Variants in REDIC1 observed in about 807,000 individuals in gnomAD.
The protein encoded by REDIC1 is regulator of DNA class I crossover intermediates 1.
chr12:39,832,416 G>T, the REDIC1 span, among the ~76,000 whole-genome samples: 106,316 of 151,930 alleles, frequency 0.7, 37,917 homozygotes, highest in African/African-American at 0.83. Context: ...GTAGTCCCTA[G>T]AAAAGTTCAA....
the REDIC1 span, among the ~76,000 whole-genome samples, chr12:39,630,178 T>C: frequency 0.054 from 8,280 of 152,224 alleles, 351 homozygotes; most frequent in African/African-American, 0.12. Flanking sequence ...TATTAATGAC[T>C]AGTTTCACCA....
At chr12:39,699,342 C>T in the REDIC1 span, among the ~76,000 whole-genome samples, 44 of 152,280 alleles carry the variant, frequency 2.9e-4, no homozygotes, top group African/African-American at 9.4e-4. Context: ...GGGTGACAGA[C>T]GGCACCTGGA....
the REDIC1 span, among the ~76,000 whole-genome samples, chr12:39,669,782 T>A: frequency 6.6e-6 from 1 of 152,216 alleles, no homozygotes; most frequent in Non-Finnish European, 1.5e-5. Flanking sequence ...GGCTGCCGCC[T>A]TGCAGTTTGT....
chr12:39,902,066 A>G, the REDIC1 span, among the ~76,000 whole-genome samples: 1 of 152,004 alleles, frequency 6.6e-6, no homozygotes, highest in Non-Finnish European at 1.5e-5. Context: ...ATTGGAAACC[A>G]TCATTCTCAG....
chr12:39,846,542 T>A, the REDIC1 span, among the ~76,000 whole-genome samples: 5 of 152,132 alleles, frequency 3.3e-5, no homozygotes, highest in Admixed American at 3.3e-4. Flanking sequence ...ACTTCTGCCT[T>A]CCAGGCTCAA....
At chr12:39,820,695 T>A in the REDIC1 span, among the ~76,000 whole-genome samples, 1 of 147,396 alleles carries the variant, frequency 6.8e-6, no homozygotes, top group Non-Finnish European at 1.5e-5. Context: ...GCATGTATAA[T>A]CTTCGGCTTA....
At chr12:39,721,384 T>C in the REDIC1 span, 7 of 714,388 alleles carry the variant, frequency 9.8e-6, no homozygotes, top group Non-Finnish European at 1.4e-5. Context: ...GTTCAGGGTG[T>C]ATATTCACGG....
At chr12:39,704,205 A>G in the REDIC1 span, among the ~76,000 whole-genome samples, 35 of 152,172 alleles carry the variant, frequency 2.3e-4, no homozygotes, top group African/African-American at 7.7e-4. Context: ...AGAATCTACA[A>G]TGAACTCCAA....
the REDIC1 span, chr12:39,757,436 T>C: frequency 6.6e-6 from 1 of 151,698 alleles, no homozygotes; most frequent in Non-Finnish European, 1.5e-5. Context: ...GTGCCTAATA[T>C]AAAAAAACCT....
At chr12:39,740,122 C>T in the REDIC1 span, among the ~76,000 whole-genome samples, 2 of 152,168 alleles carry the variant, frequency 1.3e-5, no homozygotes, top group Non-Finnish European at 2.9e-5. Flanking sequence ...TGTCAAACCA[C>T]CAAATTGTGA....
chr12:39,720,045 A>T, the REDIC1 span, among the ~76,000 whole-genome samples: 1 of 152,030 alleles, frequency 6.6e-6, no homozygotes, highest in South Asian at 2.1e-4. Flanking sequence ...TCATTAAAAG[A>T]ATATTTTCAT....
chr12:39,687,470 C>G, the REDIC1 span, among the ~76,000 whole-genome samples: 2 of 122,658 alleles, frequency 1.6e-5, no homozygotes, highest in African/African-American at 5.8e-5. Flanking sequence ...AAGACAGGAG[C>G]AAGAGAGAGT....
the REDIC1 span, among the ~76,000 whole-genome samples, chr12:39,644,279 G>A: frequency 2.0e-5 from 3 of 151,716 alleles, no homozygotes; most frequent in African/African-American, 7.2e-5. Context: ...TATTTAAAGG[G>A]TATGTCTGAA....
At chr12:39,795,667 G>C in the REDIC1 span, among the ~76,000 whole-genome samples, 2 of 152,152 alleles carry the variant, frequency 1.3e-5, no homozygotes, top group Non-Finnish European at 2.9e-5. Flanking sequence ...TAGACACCTG[G>C]AGGTGCTGCA....
the REDIC1 span, among the ~76,000 whole-genome samples, chr12:39,906,287 T>C: frequency 6.6e-6 from 1 of 152,270 alleles, no homozygotes; most frequent in South Asian, 2.1e-4. Context: ...TATTACCAAA[T>C]CACTGTGTGA....
At chr12:39,743,124 A>G in the REDIC1 span, among the ~76,000 whole-genome samples, 1 of 152,206 alleles carries the variant, frequency 6.6e-6, no homozygotes, top group Non-Finnish European at 1.5e-5. Flanking sequence ...GAAATATGCC[A>G]GAGCATTCTG....
the REDIC1 span, among the ~76,000 whole-genome samples, chr12:39,697,854 C>A: frequency 1.3e-5 from 2 of 151,902 alleles, no homozygotes; most frequent in Admixed American, 6.6e-5. Context: ...ACGAAATGAC[C>A]ACAAAACGGC....
chr12:39,874,669 A>C, the REDIC1 span, among the ~76,000 whole-genome samples: 1 of 151,996 alleles, frequency 6.6e-6, no homozygotes. Flanking sequence ...ATGTAAGGCT[A>C]TAGCAGAAGC....
At chr12:39,748,686 A>C in the REDIC1 span, among the ~76,000 whole-genome samples, 1 of 152,246 alleles carries the variant, frequency 6.6e-6, no homozygotes, top group African/African-American at 2.4e-5. Flanking sequence ...ACTCCTCAGC[A>C]AATGTAAAAG....
Sources: allele counts gnomAD v4.1 joint callset (sites outside exome capture counted in the v4.1 genomes callset), GRCh38; gene constraint gnomAD v4.1.1; transcripts MANE v1.5; gene names NCBI Gene and HGNC (gene_info 2026-07-23, HGNC 2026-07-21).